Variants in ADGRL3 observed in about 807,000 individuals in gnomAD.
ADGRL3 encodes the protein adhesion G protein-coupled receptor L3, also known as calcium-independent alpha-latrotoxin receptor 3.
A neutral mutation model predicts 153.5 loss-of-function variants in ADGRL3; 62 were observed. The ratio of observed to expected loss-of-function variants is 0.40; its 90% CI spans 0.33 to 0.50. The LOEUF is 0.50. Ranked by LOEUF, ADGRL3 falls within the 20% of genes least tolerant of loss-of-function variation. ADGRL3 has a pLI of 0.47. For missense variants in ADGRL3, 1,641 were observed against 1,859.4 expected, an observed-to-expected ratio of 0.88 and a Z score of 2.16; for synonymous variants, 710 against 672.5, an observed-to-expected ratio of 1.06 and a Z score of -0.86.
intron 8 of ADGRL3, among the ~76,000 whole-genome samples, chr4:61,755,336 C>G (rs577074131): frequency 6.6e-5 from 10 of 152,058 alleles, no homozygotes; most frequent in African/African-American, 1.2e-4. Flanking sequence ...TGGTATCTCA[C>G]TGTGGTTTTG....
At chr4:61,575,429 T>C (rs1301697365) in intron 4 of ADGRL3, among the ~76,000 whole-genome samples, 1 of 152,026 alleles carries the variant, frequency 6.6e-6, no homozygotes, top group African/African-American at 2.4e-5. Context: ...AGGTGACCTA[T>C]GGATGAAACT....
chr4:61,543,767 G>A (rs79219762), intron 4 of ADGRL3, among the ~76,000 whole-genome samples: 126 of 152,250 alleles, frequency 8.3e-4, no homozygotes, highest in African/African-American at 3.0e-3. Context: ...GTGGTGGTGT[G>A]CTATTCATCT....
chr4:61,445,893 C>T (rs922295827), intron 2 of ADGRL3, among the ~76,000 whole-genome samples: 46 of 152,188 alleles, frequency 3.0e-4, no homozygotes, highest in Admixed American at 2.7e-3. Flanking sequence ...TACCCTAGCA[C>T]AACCATTAAC....
At chr4:61,344,722 C>T (rs777166137) in intron 1 of ADGRL3, among the ~76,000 whole-genome samples, 2 of 152,020 alleles carry the variant, frequency 1.3e-5, no homozygotes, top group African/African-American at 2.4e-5. Flanking sequence ...TAAATCATAG[C>T]TCTATAGATT....
At chr4:62,011,036 A>G (rs181231515) in intron 21 of ADGRL3, among the ~76,000 whole-genome samples, 104 of 152,262 alleles carry the variant, frequency 6.8e-4, no homozygotes, top group Admixed American at 2.9e-3. Context: ...ATGACTTCAT[A>G]AACTTTTTAG....
intron 8 of ADGRL3, among the ~76,000 whole-genome samples, chr4:61,768,905 T>G (rs905041967): frequency 2.6e-5 from 4 of 151,274 alleles, no homozygotes; most frequent in South Asian, 2.1e-4. Context: ...AATAAGGGAT[T>G]GGGGTGCAGA....
rs2151936659 is a variant in ADGRL3, at chr4:62,071,067, T to A, written c.*159T>A. 1 of 641,658 alleles carries A rather than the reference T, an allele frequency of 1.6e-6. No homozygotes were observed. Among genetic ancestry groups the A allele is most frequent in the Admixed American group, 3.1e-5 (1 of 32,722 alleles). 39.7% of individuals were successfully genotyped at this position (641,658 alleles called of 1,614,324 possible). On this transcript the variant is annotated 3_prime_UTR_variant, in exon 27 of 27. Transcript: ENST00000683033. ...AGACTTTTTTTTTTTTAATGGGATT[T>A]TTAGGTCAGCCCAGGGGAGAAAGAT...
At chr4:61,743,688 G>T (rs1260641593) in intron 8 of ADGRL3, among the ~76,000 whole-genome samples, 1 of 152,194 alleles carries the variant, frequency 6.6e-6, no homozygotes, top group Non-Finnish European at 1.5e-5. Flanking sequence ...TTGTGGTGAG[G>T]TAAAGTGGAA....
chr4:61,256,043 T>G (rs1282628943), intron 1 of ADGRL3, among the ~76,000 whole-genome samples: 1 of 152,180 alleles, frequency 6.6e-6, no homozygotes, highest in African/African-American at 2.4e-5. Context: ...TTGCACGTCC[T>G]TTCAAAAAAT....
intron 1 of ADGRL3, among the ~76,000 whole-genome samples, chr4:61,381,545 G>A (rs188721210): frequency 6.6e-6 from 1 of 151,978 alleles, no homozygotes; most frequent in African/African-American, 2.4e-5. Context: ...TTTATCTGTG[G>A]TGGAGTGGGT....
intron 4 of ADGRL3, among the ~76,000 whole-genome samples, chr4:61,524,119 C>T (rs1414928959): frequency 6.6e-6 from 1 of 151,974 alleles, no homozygotes; most frequent in Non-Finnish European, 1.5e-5. Flanking sequence ...AAATATCTTC[C>T]TTTTTCTTCT....
intron 4 of ADGRL3, among the ~76,000 whole-genome samples, chr4:61,546,124 T>A (rs1247201668): frequency 6.6e-6 from 1 of 152,126 alleles, no homozygotes; most frequent in Non-Finnish European, 1.5e-5. Context: ...TGAAATTAAT[T>A]CTCCAGAGCA....
chr4:61,290,681 AGGAAGGAGGGAAGGAG>A (rs1286147246), intron 1 of ADGRL3, among the ~76,000 whole-genome samples: 3 of 149,890 alleles, frequency 2.0e-5, no homozygotes, highest in African/African-American at 7.4e-5. Context: ...GAAGGAAGGA[AGGAAGGAGGGAAGGAG>A]GGAAGGAGGG....
intron 4 of ADGRL3, among the ~76,000 whole-genome samples, chr4:61,542,495 G>A (rs1172597718): frequency 1.3e-5 from 2 of 152,138 alleles, no homozygotes; most frequent in Non-Finnish European, 2.9e-5. Context: ...ACCTGATAAA[G>A]ACAACCACTA....
chr4:61,874,535 G>T (rs1301322939), intron 9 of ADGRL3, among the ~76,000 whole-genome samples: 1 of 151,672 alleles, frequency 6.6e-6, no homozygotes, highest in East Asian at 1.9e-4. Flanking sequence ...TCAGCAAGAG[G>T]GGCCACTCTA....
intron 21 of ADGRL3, among the ~76,000 whole-genome samples, chr4:62,012,656 A>G (rs1291424187): frequency 3.3e-5 from 5 of 152,180 alleles, no homozygotes; most frequent in Non-Finnish European, 7.3e-5. Flanking sequence ...TTCAGTAAAC[A>G]TATCAGTTTA....
At chr4:61,562,270 C>T (rs891670239) in intron 4 of ADGRL3, among the ~76,000 whole-genome samples, 10 of 152,126 alleles carry the variant, frequency 6.6e-5, no homozygotes, top group Admixed American at 2.6e-4. Flanking sequence ...GAGGATCTTT[C>T]CCTGATGCTG....
intron 2 of ADGRL3, among the ~76,000 whole-genome samples, chr4:61,470,230 C>G (rs948681247): frequency 3.3e-5 from 5 of 152,048 alleles, no homozygotes; most frequent in African/African-American, 9.6e-5. Context: ...CCATGCTGAG[C>G]ATTCCAGAAA....
chr4:61,913,949 A>G (rs928150415), intron 13 of ADGRL3, among the ~76,000 whole-genome samples: 1 of 152,144 alleles, frequency 6.6e-6, no homozygotes, highest in African/African-American at 2.4e-5. Flanking sequence ...CAGCTATCCC[A>G]TTTGTAAATT....
Sources: gnomAD v4.1 joint callset for allele counts (sites outside exome capture counted in the v4.1 genomes callset) on GRCh38, gnomAD v4.1.1 for gene constraint, MANE v1.5 for transcripts, NCBI Gene and HGNC (gene_info 2026-07-23, HGNC 2026-07-21) for gene names.